APH1A: variants seen among roughly 807,000 people sequenced by gnomAD.
APH1A encodes the protein gamma-secretase subunit APH-1A.
In APH1A, 16 loss-of-function variants were observed where a neutral mutation model predicts 30.3. That is an observed-to-expected ratio of 0.53 (90% confidence interval 0.36 to 0.80). APH1A has a LOEUF of 0.80. Among genes scored for constraint, APH1A ranks in the 30% least tolerant of loss-of-function variants. The probability of loss-of-function intolerance (pLI) is 0.01; values close to 1 mark genes in which losing one functional copy is unlikely to be tolerated. For synonymous variants in APH1A, 144 were observed against 140.1 expected (o/e 1.03, Z -0.20); for missense variants, 245 against 337.8 (o/e 0.73, Z 2.15).
rs201541795 is a variant in APH1A, at chr1:150,266,254, G to C, written c.734-60C>G. On this transcript the variant is annotated intron_variant, in intron 6 of 6. Transcript: ENST00000369109. ...GTGAGAGCAGAGCACTGACACAGGG[G>C]GAGTCCTGGACACAACAAGGGGGTC... 6 of 1,555,706 alleles carry C rather than the reference G, an allele frequency of 3.9e-6. No individual in the cohort carries two copies. In the South Asian group the frequency reaches 7.1e-5, roughly 18 times the overall value.
Position 150,268,123 on chromosome 1 carries a change from A to C in APH1A, c.118T>G (p.Phe40Val), listed in dbSNP as rs782050875. 1.2e-6 allele frequency: 2 copies of C among 1,613,542 alleles called. No individual in the cohort carries two copies. Among genetic ancestry groups the C allele is most frequent in the East Asian group, 4.5e-5 (2 of 44,880 alleles). ...LRVIILVAGA[F>V]FWLVSLLLAS... ...AGGAGCAGGGAGACCAGCCAGAAAA[A>C]TGCCCTGAGAAAAGACAGGGGCAGT... The change falls in exon 2 of 7, where the codon TTT (phenylalanine) becomes GTT (valine). Residue 40 changes from phenylalanine to valine, a missense_variant. Physicochemically the swap from Phe to Val is conservative, Grantham distance 50. Transcript: ENST00000369109.
At chr1:150,267,589 C>G in intron 3 of APH1A, 111 bp from the exon 4 acceptor site, 2 of 1,583,810 alleles carry the variant, frequency 1.3e-6, no homozygotes. Flanking sequence ...TCCCTCCAGA[C>G]CAACTTTCTT....
chr1:150,267,609 C>G (rs1488343623), intron 3 of APH1A, 107 bp downstream of exon 3: 2 of 1,571,124 alleles, frequency 1.3e-6, no homozygotes, highest in African/African-American at 2.7e-5. Context: ...TTGGAAGTGA[C>G]GGATGAAGGA....
At chr1:150,266,293 G>T in intron 6 of APH1A, 99 bp from the exon 7 acceptor site, 1 of 1,514,354 alleles carries the variant, frequency 6.6e-7, no homozygotes, top group South Asian at 1.3e-5. Flanking sequence ...AGGTGGTGGG[G>T]ATAAGTGCAG....
chr1:150,268,663 G>A (rs2101855302), intron 1 of APH1A, 35 bp downstream of exon 1: 1 of 1,581,734 alleles, frequency 6.3e-7, no homozygotes, highest in Non-Finnish European at 8.6e-7. Flanking sequence ...CTCTCTCTTC[G>A]ACGCTCTCCC....
chr1:150,268,466 C>G, intron 1 of APH1A: 2 of 597,576 alleles, frequency 3.3e-6, no homozygotes, highest in South Asian at 4.0e-5. Context: ...CGGCCTTGGG[C>G]CTTCTCTGAC....
At position 150,267,975 on chromosome 1, in the gene APH1A, G is replaced by A. The variant is rs1390884520; in HGVS notation, c.266C>T (p.Ala89Val). ...SVLLQEVFRF[A>V]YYKLLKKADE... ...TTCTTACTTAAGCAGCTTGTAGTAG[G>A]CAAAGCGGAACACCTCCTGTAGAAG... is the stretch of plus-strand genomic sequence containing the variant. The change falls in exon 2 of 7, where the codon GCC becomes GTC. Residue 89 changes from alanine (A) to valine (V), a missense_variant. Ala to Val is a moderately conservative substitution (Grantham distance 64, BLOSUM62 0). Coordinates refer to ENST00000369109, the MANE Select transcript of APH1A (RefSeq NM_001077628.3). 10 of 1,614,004 alleles carry A rather than the reference G, an allele frequency of 6.2e-6. No individual in the cohort carries two copies. In the Admixed American group the frequency reaches 1.2e-4, roughly 19 times the overall value.
At chr1:150,268,221 G>A in intron 1 of APH1A, 94 bp from the exon 2 acceptor site, 2 of 1,434,570 alleles carry the variant, frequency 1.4e-6, no homozygotes, top group Admixed American at 4.6e-5. Context: ...AAAAGTGGAA[G>A]TTAGCCTTCC....
intron 5 of APH1A, 33 bp from the exon 6 acceptor site, chr1:150,266,689 A>C: frequency 6.2e-7 from 1 of 1,610,878 alleles, no homozygotes; most frequent in Middle Eastern, 1.7e-4. Flanking sequence ...GAAAGAGATT[A>C]GATTCTCCCT....
intron 4 of APH1A, 34 bp downstream of exon 4, chr1:150,267,321 TG>T (rs1553850119): frequency 1.9e-6 from 3 of 1,613,554 alleles, no homozygotes; most frequent in Admixed American, 1.7e-5. Context: ...CAAGGATGGA[TG>T]GGGGGTAAAG....
At position 150,267,745 on chromosome 1, in the gene APH1A, G is replaced by T; in HGVS notation, c.329C>A (p.Ser110Ter). 6.4e-7 allele frequency: 1 copy of T among 1,565,812 alleles called. No homozygotes were observed. Among genetic ancestry groups the T allele is most frequent in the South Asian group, 1.1e-5 (1 of 90,072 alleles). ...GGCCATCTGGCGGATGGAGATGGGT[G>T]ATCTTCCGTCCTCACTCAGCGATGC... Reference protein sequence around the residue: ...GLASLSEDGRSPISIRQMAYV... With the variant: ...GLASLSEDGR Residue 110 changes from serine to a stop codon, truncating the protein, a stop_gained, in exon 3 of 7, where the codon TCA (serine) becomes TAA (stop). Coordinates refer to ENST00000369109, the MANE Select transcript of APH1A (RefSeq NM_001077628.3). LOFTEE classifies it high-confidence loss of function.
rs587629635 is a variant in APH1A at position 150,267,671 on chromosome 1, G to T, written c.358+45C>A. The stretch of plus-strand genomic sequence containing the variant: ...GATATTTAGAGACTTCCCTAGAGGA[G>T]GGGGCTGTCCAACTCCCTCCTCCAG... On this transcript the variant is annotated intron_variant, in intron 3 of 6. Transcript: ENST00000369109. 7 of 1,592,634 alleles carry T rather than the reference G, an allele frequency of 4.4e-6. No homozygotes were observed. The African/African-American group carries it at 6.7e-5, about 15-fold the overall frequency.
rs1408820685 is a variant in APH1A, at chr1:150,266,149, C to T, written c.779G>A (p.Arg260His). ...DSRVMVYSAL[R>H]IPPED ...GTTCCCTCAGTCCTCGGGTGGGATG[C>T]GCAGGGCAGAATACACCATCACCCG... Residue 260 changes from arginine to histidine, a missense_variant, in exon 7 of 7, where the codon CGC (arginine) becomes CAC (histidine). Arg to His is a conservative substitution (Grantham distance 29). Transcript: ENST00000369109. 3 of 1,601,660 alleles carry T rather than the reference C, an allele frequency of 1.9e-6. No individual in the cohort carries two copies. Among genetic ancestry groups the T allele is most frequent in the Non-Finnish European group, 1.7e-6 (2 of 1,174,146 alleles).
Position 150,265,603 on chromosome 1 carries a change from G to C in APH1A, c.*527C>G, listed in dbSNP as rs1264151521. On this transcript the variant is annotated 3_prime_UTR_variant, in exon 7 of 7. Coordinates refer to ENST00000369109, the MANE Select transcript of APH1A (RefSeq NM_001077628.3). ...ACTCCTCCAGTGGCACTGCAGCTCT[G>C]GAGTGGCCAGCTCACCACAGCACCC... is the stretch of plus-strand genomic sequence containing the variant. 6.5e-6 allele frequency: 1 copy of C among 152,808 alleles called. No homozygotes were observed. Among genetic ancestry groups the C allele is most frequent in the Admixed American group, 6.5e-5 (1 of 15,282 alleles). 9.5% of individuals were successfully genotyped at this position (152,808 alleles called of 1,614,324 possible). A position where few individuals can be genotyped will look rare whatever the true frequency, so the allele number is the denominator to read the frequency against.
chr1:150,268,832 G>T lies in APH1A; in HGVS notation c.-22C>A. 6.2e-7 allele frequency: 1 copy of T among 1,600,250 alleles called. No individual in the cohort carries two copies. On this transcript the variant is annotated 5_prime_UTR_variant, in exon 1 of 7. Coordinates refer to ENST00000369109, the MANE Select transcript of APH1A (RefSeq NM_001077628.3). ...CCATGGCTGGTCAGGTGGGAAGGGG[G>T]GTGGGGGCCTGACCAGGACAGGCAA...
chr1:150,268,348 T>C (rs1317225844), intron 1 of APH1A: 8 of 634,146 alleles, frequency 1.3e-5, no homozygotes, highest in Non-Finnish European at 2.1e-5. Flanking sequence ...TTCAGAGCGA[T>C]GACAGCCAGA....
chr1:150,267,726 C>A lies in APH1A; in HGVS notation c.348G>T (p.Gln116His). 1.2e-6 allele frequency: 2 copies of A among 1,602,338 alleles called. No individual in the cohort carries two copies. Among genetic ancestry groups the A allele is most frequent in the Non-Finnish European group, 8.5e-7 (1 of 1,174,458 alleles). The stretch of plus-strand genomic sequence containing the variant: ...TCTCCCTTGGCTCACCATAGGCCAT[C>A]TGGCGGATGGAGATGGGTGATCTTC... ...EDGRSPISIR[Q>H]MAYVSGLSFG... The change falls in exon 3 of 7, where the codon CAG becomes CAT. Residue 116 changes from glutamine (Q) to histidine (H), a missense_variant. Gln to His is a conservative substitution (Grantham distance 24, BLOSUM62 0). Transcript: ENST00000369109.
intron 5 of APH1A, 185 bp from the exon 6 acceptor site, chr1:150,266,841 C>G: frequency 9.8e-7 from 1 of 1,015,686 alleles, no homozygotes; most frequent in Non-Finnish European, 1.4e-6. Context: ...TCAAAGGTTT[C>G]TGCCGCTCCT....
chr1:150,266,428 C>A, intron 6 of APH1A, 105 bp downstream of exon 6: 1 of 1,573,238 alleles, frequency 6.4e-7, no homozygotes, highest in Non-Finnish European at 8.6e-7. Flanking sequence ...GAGAAGGAGA[C>A]AGAGAATGTG....
Sources: gnomAD v4.1 joint callset for allele counts on GRCh38, gnomAD v4.1.1 for gene constraint, MANE v1.5 for transcripts, NCBI Gene and HGNC (gene_info 2026-07-23, HGNC 2026-07-21) for gene names.